SMAD3: variants seen among roughly 807,000 people sequenced by gnomAD.
The protein encoded by SMAD3 is SMAD family member 3.
A neutral mutation model predicts 51.8 loss-of-function variants in SMAD3; 12 were observed. That is an observed-to-expected ratio of 0.23 (90% confidence interval 0.15 to 0.38). The LOEUF (loss-of-function observed/expected upper bound fraction) is 0.38, where lower values mean the gene tolerates loss of function less well. Ranked by LOEUF, SMAD3 falls within the 10% of genes least tolerant of loss-of-function variation. The probability of loss-of-function intolerance (pLI) is 1.00; values close to 1 mark genes in which losing one functional copy is unlikely to be tolerated. For synonymous variants in SMAD3, 238 were observed against 227.7 expected (o/e 1.05, Z -0.41); for missense variants, 294 against 565.6 (o/e 0.52, Z 4.87).
At chr15:67,161,191 T>C (rs1962421430) in intron 1 of SMAD3, among the ~76,000 whole-genome samples, 1 of 152,228 alleles carries the variant, frequency 6.6e-6, no homozygotes. Flanking sequence ...CTGTCCTTGC[T>C]CCACTAAATT....
intron 5 of SMAD3, among the ~76,000 whole-genome samples, chr15:67,175,823 C>T (rs1163010090): frequency 6.6e-6 from 1 of 152,228 alleles, no homozygotes; most frequent in Non-Finnish European, 1.5e-5. Context: ...AGAGGCCCAA[C>T]CCAGTTCCAG....
chr15:67,065,828 C>G lies in SMAD3; in HGVS notation c.-327C>G. The G allele has an allele frequency of 4.7e-6, 1 of 213,120 alleles. No individual in the cohort carries two copies. The highest frequency in any genetic ancestry group is 9.5e-6 in the Non-Finnish European group (1 of 105,278). 13.2% of individuals were successfully genotyped at this position (213,120 alleles called of 1,614,324 possible). Reference sequence around the variant, plus strand: ...CCCAAACAGCTACCCCGTGCGGAAACCCAAACTTCTGCTGCCACTTGGAGT... The same window carrying G: ...CCCAAACAGCTACCCCGTGCGGAAAGCCAAACTTCTGCTGCCACTTGGAGT... On this transcript the variant is annotated 5_prime_UTR_variant, in exon 1 of 9. Coordinates refer to ENST00000327367, the MANE Select transcript of SMAD3 (RefSeq NM_005902.4).
intron 5 of SMAD3, among the ~76,000 whole-genome samples, chr15:67,172,478 C>G (rs954520009): frequency 2.0e-5 from 3 of 152,224 alleles, no homozygotes; most frequent in Non-Finnish European, 4.4e-5. Context: ...AAACCATTGA[C>G]TTCATCCCTA....
At chr15:67,138,832 A>T (rs1169852768) in intron 1 of SMAD3, among the ~76,000 whole-genome samples, 1 of 152,150 alleles carries the variant, frequency 6.6e-6, no homozygotes, top group Non-Finnish European at 1.5e-5. Flanking sequence ...CATCCCATTA[A>T]CCCTCCAAAG....
intron 1 of SMAD3, among the ~76,000 whole-genome samples, chr15:67,103,021 T>C (rs1960794892): frequency 6.6e-6 from 1 of 152,228 alleles, no homozygotes; most frequent in South Asian, 2.1e-4. Context: ...GTCTGTTGCC[T>C]CACTTCCCAG....
chr15:67,138,339 C>A, intron 1 of SMAD3: 1 of 491,808 alleles, frequency 2.0e-6, no homozygotes, highest in Non-Finnish European at 3.7e-6. Context: ...GCTCCCCTCC[C>A]CTGAACCCCC....
chr15:67,095,100 TGGTC>T lies in SMAD3; in HGVS notation c.206+28741_206+28744del, dbSNP rs1182618049. ...TGCTGTGAGCTGGTAAATGGTTGGT[TGGTC>T]CCTTCCTCTCCCCTTGGTGTTAAGC... On this transcript the variant is annotated intron_variant, in intron 1 of 8. Coordinates refer to ENST00000327367, the MANE Select transcript of SMAD3 (RefSeq NM_005902.4). Among the ~76,000 whole-genome samples the T allele has an allele frequency of 2.0e-5, 3 of 151,496 alleles. No homozygotes were observed. The East Asian group carries it at 5.8e-4, about 29-fold the overall frequency.
chr15:67,101,422 G>T (rs1186355299), intron 1 of SMAD3, among the ~76,000 whole-genome samples: 1 of 152,104 alleles, frequency 6.6e-6, no homozygotes, highest in East Asian at 1.9e-4. Flanking sequence ...GTCAGAAAAA[G>T]GTTTCAAATT....
chr15:67,165,675 GT>G (rs1282979852), intron 3 of SMAD3, among the ~76,000 whole-genome samples: 1 of 152,226 alleles, frequency 6.6e-6, no homozygotes, highest in Non-Finnish European at 1.5e-5. Context: ...TAGCAACACT[GT>G]TTCTCTCACC....
chr15:67,129,662 C>G (rs946525440), intron 1 of SMAD3, among the ~76,000 whole-genome samples: 2 of 152,138 alleles, frequency 1.3e-5, no homozygotes, highest in Non-Finnish European at 1.5e-5. Context: ...CTTCTAAAAT[C>G]TAAAATCTTC....
intron 1 of SMAD3, among the ~76,000 whole-genome samples, chr15:67,103,151 G>A (rs1258462015): frequency 2.6e-5 from 4 of 152,078 alleles, no homozygotes; most frequent in South Asian, 4.1e-4. Context: ...AACTTCCTTT[G>A]TATGGAGCTG....
Position 67,065,869 on chromosome 15 carries a change from TCC to T in SMAD3, c.-285_-284del, listed in dbSNP as rs1959899695. ...CACTTGGAGTCTCGCGGCCGCCGCC[TCC>T]GCCCCGCGTTCGGGGCCTTCCCGAC... is the stretch of plus-strand genomic sequence containing the variant. On this transcript the variant is annotated 5_prime_UTR_variant, in exon 1 of 9. Coordinates refer to ENST00000327367, the MANE Select transcript of SMAD3 (RefSeq NM_005902.4). 1 of 216,968 alleles carries T rather than the reference TCC, an allele frequency of 4.6e-6. No homozygotes were observed. Among genetic ancestry groups the T allele is most frequent in the Non-Finnish European group, 9.3e-6 (1 of 108,108 alleles). 13.4% of individuals were successfully genotyped at this position (216,968 alleles called of 1,614,324 possible).
At chr15:67,165,489 A>G (rs1962559760) in intron 3 of SMAD3, 105 bp downstream of exon 3, 10 of 1,383,778 alleles carry the variant, frequency 7.2e-6, no homozygotes, top group Non-Finnish European at 5.0e-6. Flanking sequence ...TCCCCCGCTC[A>G]CCCCCTCTTT....
At chr15:67,082,664 G>A (rs983568303) in intron 1 of SMAD3, among the ~76,000 whole-genome samples, 9 of 152,168 alleles carry the variant, frequency 5.9e-5, no homozygotes, top group African/African-American at 1.9e-4. Context: ...TTTTGCCGTC[G>A]TCGGACGGAA....
intron 1 of SMAD3, among the ~76,000 whole-genome samples, chr15:67,106,288 C>T (rs914395059): frequency 7.2e-5 from 11 of 152,170 alleles, no homozygotes; most frequent in African/African-American, 2.4e-4. Flanking sequence ...GTCTGAATCC[C>T]AAACAAGGGT....
intron 1 of SMAD3, among the ~76,000 whole-genome samples, chr15:67,070,373 C>G (rs1482839722): frequency 6.6e-6 from 1 of 152,166 alleles, no homozygotes; most frequent in Admixed American, 6.5e-5. Flanking sequence ...CGCCACTTGA[C>G]GTTCCCTGGG....
intron 1 of SMAD3, among the ~76,000 whole-genome samples, chr15:67,113,932 T>G (rs1051179590): frequency 6.6e-6 from 1 of 152,244 alleles, no homozygotes; most frequent in African/African-American, 2.4e-5. Flanking sequence ...TTTTTCAAAT[T>G]GGGAATGTTT....
intron 4 of SMAD3, among the ~76,000 whole-genome samples, chr15:67,169,702 A>AT (rs1193921638): frequency 1.4e-5 from 2 of 146,010 alleles, no homozygotes; most frequent in Non-Finnish European, 3.0e-5. Flanking sequence ...GGCTCAAGTG[A>AT]TCCCCCAGTC....
Position 67,187,467 on chromosome 15 carries a change from C to T in SMAD3, c.1112C>T (p.Thr371Ile), listed in dbSNP as rs1963251370. Reference protein sequence around the residue: ...EAVYQLTRMCTIRMSFVKGWG... With the variant: ...EAVYQLTRMCIIRMSFVKGWG... ...GTCTACCAGTTGACCCGAATGTGCA[C>T]CATCCGCATGAGCTTCGTCAAAGGC... Residue 371 changes from threonine to isoleucine, a missense_variant, in exon 8 of 9, where the codon ACC (threonine) becomes ATC (isoleucine). Thr to Ile is a moderately conservative substitution (Grantham distance 89, BLOSUM62 -1). Transcript: ENST00000327367. The T allele has an allele frequency of 6.2e-7, 1 of 1,614,174 alleles. No homozygotes were observed. Among genetic ancestry groups the T allele is most frequent in the South Asian group, 1.1e-5 (1 of 91,082 alleles).
Sources: gnomAD v4.1 joint callset for allele counts (sites outside exome capture counted in the v4.1 genomes callset) on GRCh38, gnomAD v4.1.1 for gene constraint, MANE v1.5 for transcripts, NCBI Gene and HGNC (gene_info 2026-07-23, HGNC 2026-07-21) for gene names.